The following STPG2 variants were observed in gnomAD, a reference collection of about 807,000 sequenced individuals.
The protein encoded by STPG2 is sperm-tail PG-rich repeat-containing protein 2.
STPG2 carries 56 observed loss-of-function variants against 54.2 expected under a neutral mutation model. The ratio of observed to expected loss-of-function variants is 1.03; its 90% confidence interval spans 0.83 to 1.29. The LOEUF is 1.29. Ranked by LOEUF, STPG2 falls within the 50% of genes most tolerant of loss-of-function variation. The pLI, the probability that STPG2 is intolerant of heterozygous loss-of-function variation, is 0.00. For missense variants in STPG2, 596 were observed against 544.9 expected, an observed-to-expected ratio of 1.09 and a Z score of -0.93; for synonymous variants, 200 against 181.8, an observed-to-expected ratio of 1.10 and a Z score of -0.81.
Position 97,569,405 on chromosome 4 carries a change from A to T in STPG2, c.1321-10288T>A, listed in dbSNP as rs967278781. ...AATCAATTTGATCAGCAACGTCTTT[A>T]TGACCTGTACTTTGTGCTGACCTCC... On this transcript the variant is annotated intron_variant, in intron 10 of 10. Coordinates refer to ENST00000295268, the MANE Select transcript of STPG2 (RefSeq NM_174952.3). Among the ~76,000 whole-genome samples, 4 of 152,166 alleles carry T rather than the reference A, an allele frequency of 2.6e-5. No individual in the cohort carries two copies. The South Asian group carries it at 8.3e-4, about 32-fold the overall frequency.
chr4:98,036,717 T>C (rs1185337547), intron 5 of STPG2, among the ~76,000 whole-genome samples: 3 of 151,796 alleles, frequency 2.0e-5, no homozygotes, highest in Non-Finnish European at 4.4e-5. Flanking sequence ...CCAGGCTTAA[T>C]ACCTAGGTGA....
At chr4:98,095,791 A>G (rs1738840577) in intron 5 of STPG2, among the ~76,000 whole-genome samples, 1 of 152,196 alleles carries the variant, frequency 6.6e-6, no homozygotes, top group Admixed American at 6.5e-5. Flanking sequence ...AGAAACATCA[A>G]ACTTAATCTG....
intron 7 of STPG2, among the ~76,000 whole-genome samples, chr4:97,951,513 C>A (rs1426201409): frequency 6.6e-6 from 1 of 151,758 alleles, no homozygotes; most frequent in Admixed American, 6.6e-5. Flanking sequence ...TCTTTTTCCC[C>A]CCTTAAGACT....
intron 5 of STPG2, among the ~76,000 whole-genome samples, chr4:98,042,059 G>A (rs1466756113): frequency 6.6e-6 from 1 of 151,658 alleles, no homozygotes; most frequent in Non-Finnish European, 1.5e-5. Context: ...GGTTCAATCT[G>A]GAAATAATAT....
chr4:97,486,911 C>G (rs1445410032), intron 4 of STPG2, among the ~76,000 whole-genome samples: 1 of 148,356 alleles, frequency 6.7e-6, no homozygotes, highest in African/African-American at 2.5e-5. Context: ...GAATACTACT[C>G]AGCCATAAAA....
chr4:97,594,822 T>C (rs1733239814), intron 10 of STPG2, among the ~76,000 whole-genome samples: 1 of 152,162 alleles, frequency 6.6e-6, no homozygotes, highest in Non-Finnish European at 1.5e-5. Context: ...CAGAAAAGAT[T>C]GGGAGCATAT....
At chr4:97,583,119 A>C (rs1732902194) in intron 10 of STPG2, among the ~76,000 whole-genome samples, 1 of 151,996 alleles carries the variant, frequency 6.6e-6, no homozygotes, top group Non-Finnish European at 1.5e-5. Context: ...TTCAGCTGTC[A>C]TGGTTTCTTG....
In STPG2 at chr4:97,709,097, A is replaced by G. The variant is rs528871366; in HGVS notation, c.1320+3602T>C. Reference sequence around the variant, plus strand: ...TGTGAAGTCTGAATTCAAACTTCTAAGTGCACAATTTTCATCAAAAGAATT... The same window carrying G: ...TGTGAAGTCTGAATTCAAACTTCTAGGTGCACAATTTTCATCAAAAGAATT... On this transcript the variant is annotated intron_variant, in intron 10 of 10. Transcript: ENST00000295268. Among the ~76,000 whole-genome samples the G allele has an allele frequency of 2.8e-3, 422 of 151,940 alleles. 1 individual carries two copies. Among genetic ancestry groups the G allele is most frequent in the Non-Finnish European group, 4.8e-3 (323 of 67,770 alleles).
At chr4:97,444,761 G>A (rs1729176666) in intron 4 of STPG2, among the ~76,000 whole-genome samples, 2 of 152,196 alleles carry the variant, frequency 1.3e-5, no homozygotes, top group Admixed American at 1.3e-4. Flanking sequence ...TGGGTGCAGT[G>A]GCTCACACCT....
chr4:97,949,870 GT>G (rs1400701506), intron 7 of STPG2, among the ~76,000 whole-genome samples: 3 of 116,938 alleles, frequency 2.6e-5, no homozygotes, highest in African/African-American at 1.3e-4. Context: ...TTTGTGTTTT[GT>G]TTTTTGTTTT....
At chr4:97,538,932 CA>C (rs1446380714) in intron 4 of STPG2, among the ~76,000 whole-genome samples, 4 of 152,136 alleles carry the variant, frequency 2.6e-5, no homozygotes, top group Non-Finnish European at 5.9e-5. Flanking sequence ...ATTTCATATC[CA>C]GCCAAACTAA....
chr4:97,899,298 A>T (rs1560577714), intron 8 of STPG2, among the ~76,000 whole-genome samples: 1 of 151,966 alleles, frequency 6.6e-6, no homozygotes, highest in Non-Finnish European at 1.5e-5. Flanking sequence ...GAGAGTTACA[A>T]AACAGTGCTC....
chr4:97,773,690 T>C (rs934510720), intron 9 of STPG2, among the ~76,000 whole-genome samples: 1 of 152,204 alleles, frequency 6.6e-6, no homozygotes, highest in Non-Finnish European at 1.5e-5. Context: ...ATTTATACTT[T>C]GAAAAGTTCA....
intron 10 of STPG2, among the ~76,000 whole-genome samples, chr4:97,674,078 C>T (rs927571560): frequency 1.3e-5 from 2 of 152,104 alleles, no homozygotes; most frequent in Non-Finnish European, 2.9e-5. Flanking sequence ...CTGCCTTAAG[C>T]ACTCACTAGT....
chr4:98,054,965 T>C (rs1737436676), intron 5 of STPG2, among the ~76,000 whole-genome samples: 1 of 152,134 alleles, frequency 6.6e-6, no homozygotes, highest in South Asian at 2.1e-4. Flanking sequence ...GAAAAATGTA[T>C]AGCTGTTAGC....
intron 4 of STPG2, among the ~76,000 whole-genome samples, chr4:97,466,420 C>T (rs1404414493): frequency 1.2e-4 from 18 of 151,902 alleles, no homozygotes; most frequent in Non-Finnish European, 2.5e-4. Flanking sequence ...TCAAGCACTG[C>T]CTCTTAATAG....
intron 8 of STPG2, among the ~76,000 whole-genome samples, chr4:97,861,856 A>G (rs1729557394): frequency 6.6e-6 from 1 of 152,140 alleles, no homozygotes; most frequent in African/African-American, 2.4e-5. Context: ...AAAATCCTTT[A>G]CAGACAAGCA....
intron 9 of STPG2, among the ~76,000 whole-genome samples, chr4:97,799,497 G>A (rs1451614614): frequency 6.6e-6 from 1 of 152,208 alleles, no homozygotes; most frequent in Non-Finnish European, 1.5e-5. Flanking sequence ...CTTAAAGGAT[G>A]TTGAATATTG....
intron 9 of STPG2, among the ~76,000 whole-genome samples, chr4:97,736,866 C>A (rs1261812861): frequency 6.6e-6 from 1 of 152,156 alleles, no homozygotes; most frequent in Non-Finnish European, 1.5e-5. Context: ...GTGGTTCTCC[C>A]AGCACGCAGA....
Sources: allele counts gnomAD v4.1 joint callset (sites outside exome capture counted in the v4.1 genomes callset), GRCh38; gene constraint gnomAD v4.1.1; transcripts MANE v1.5; gene names NCBI Gene and HGNC (gene_info 2026-07-23, HGNC 2026-07-21).